TOP1: variants seen among roughly 807,000 people sequenced by gnomAD.
The protein encoded by TOP1 is DNA topoisomerase I.
In TOP1, 10 loss-of-function variants were observed where a neutral mutation model predicts 111.1. The observed-to-expected ratio is 0.09, with a 90% CI of 0.06 to 0.15. The LOEUF (loss-of-function observed/expected upper bound fraction) is 0.15, where lower values mean the gene tolerates loss of function less well. TOP1 is among the 10% of genes least tolerant of loss of function. TOP1 has a pLI of 1.00. For missense variants in TOP1, 474 were observed against 926.7 expected, an observed-to-expected ratio of 0.51 and a Z score of 6.34; for synonymous variants, 271 against 302.9, an observed-to-expected ratio of 0.89 and a Z score of 1.10.
rs150874480 is a variant in TOP1 at position 41,056,799 on chromosome 20, A to G, written c.59-4595A>G. 6.0e-3 allele frequency among the ~76,000 whole-genome samples: 917 copies of G among 152,286 alleles called. 7 individuals carry two copies. Among genetic ancestry groups the G allele is most frequent in the African/African-American group, 0.021 (856 of 41,564 alleles). On this transcript the variant is annotated intron_variant, in intron 2 of 20. Transcript: ENST00000361337. ...GCTCAGCCATTCCTTTAAAATAGGA[A>G]TACTTGGGGTTCAGATCTTTGACCT...
rs1365399672 is a variant in TOP1, at chr20:41,037,644, T to A, written c.58+8189T>A. ...GCATTTGGGAGATTCCATGAAAAAA[T>A]TTGATAAAGTCAGTAGAAATTTCAG... On this transcript the variant is annotated intron_variant, in intron 2 of 20. Coordinates refer to ENST00000361337, the MANE Select transcript of TOP1 (RefSeq NM_003286.4). Among the ~76,000 whole-genome samples the A allele has an allele frequency of 2.6e-5, 4 of 152,328 alleles. No homozygotes were observed. In the East Asian group the frequency reaches 7.7e-4, roughly 29 times the overall value.
At chr20:41,052,297 C>T (rs1189622307) in intron 2 of TOP1, among the ~76,000 whole-genome samples, 25 of 152,178 alleles carry the variant, frequency 1.6e-4, no homozygotes, top group Admixed American at 1.6e-3. Flanking sequence ...TCTGCAGTGC[C>T]TCTATCACAT....
At chr20:41,107,598 C>CT (rs1184789755) in intron 13 of TOP1, among the ~76,000 whole-genome samples, 1 of 151,932 alleles carries the variant, frequency 6.6e-6, no homozygotes, top group African/African-American at 2.4e-5. Context: ...ATTTCATGTT[C>CT]TTTCTAGATT....
Position 41,106,356 on chromosome 20 carries a change from T to C in TOP1, c.1308+5003T>C, listed in dbSNP as rs564402755. The stretch of plus-strand genomic sequence containing the variant: ...TTTGGCTATTCTTGGCCCTCTGCTG[T>C]TTCATATTAACTTTCAGATAAACTT... On this transcript the variant is annotated intron_variant, in intron 13 of 20. Transcript: ENST00000361337. This position sits in a 1 kb window ranked among gnomAD's most constrained non-coding sequence, Gnocchi z 4.3. Among the ~76,000 whole-genome samples, 9 of 152,362 alleles carry C rather than the reference T, an allele frequency of 5.9e-5. No homozygotes were observed. In the East Asian group the frequency reaches 1.3e-3, roughly 23 times the overall value.
chr20:41,090,755 C>T (rs2033910721), intron 8 of TOP1, among the ~76,000 whole-genome samples: 1 of 152,158 alleles, frequency 6.6e-6, no homozygotes, highest in African/African-American at 2.4e-5. Context: ...ATCCGCCCAC[C>T]CCAGCCTCCC....
chr20:41,063,309 A>G (rs1296714465), intron 3 of TOP1, among the ~76,000 whole-genome samples: 1 of 152,198 alleles, frequency 6.6e-6, no homozygotes, highest in African/African-American at 2.4e-5. Context: ...CGTGGTAGAT[A>G]TGTACAACAT....
At chr20:41,072,033 T>C (rs2033674778) in intron 3 of TOP1, among the ~76,000 whole-genome samples, 1 of 152,192 alleles carries the variant, frequency 6.6e-6, no homozygotes, top group African/African-American at 2.4e-5. Flanking sequence ...ATGGTTGATA[T>C]TAAGCCTTTC....
At position 41,034,261 on chromosome 20, in the gene TOP1, A is replaced by G. The variant is rs2033157131; in HGVS notation, c.58+4806A>G. Among the ~76,000 whole-genome samples, 3 of 152,212 alleles carry G rather than the reference A, an allele frequency of 2.0e-5. No homozygotes were observed. Among genetic ancestry groups the G allele is most frequent in the Non-Finnish European group, 1.5e-5 (1 of 68,046 alleles). On this transcript the variant is annotated intron_variant, in intron 2 of 20. Transcript: ENST00000361337. The surrounding 1 kb of genome is among the most constrained non-coding windows in gnomAD (Gnocchi z 4.0). ...GATTGTGTTTAAACTTCGAGTAGTA[A>G]TATTTGGAACTGTCTTTTCTCCCTA...
Position 41,029,291 on chromosome 20 carries a change from G to C in TOP1, c.34-140G>C, listed in dbSNP as rs2122577904. ...GCCGCGAAGTTACAGTTCGAGGCAGGGATGGCTGCCCTCTGTGGCCACCCC... is the reference window on the plus strand; with the variant it reads ...GCCGCGAAGTTACAGTTCGAGGCAGCGATGGCTGCCCTCTGTGGCCACCCC... On this transcript the variant is annotated intron_variant, in intron 1 of 20. Coordinates refer to ENST00000361337, the MANE Select transcript of TOP1 (RefSeq NM_003286.4). The surrounding 1 kb of genome is among the most constrained non-coding windows in gnomAD (Gnocchi z 6.1). 1 of 822,462 alleles carries C rather than the reference G, an allele frequency of 1.2e-6. No individual in the cohort carries two copies. The highest frequency in any genetic ancestry group is 1.8e-6 in the Non-Finnish European group (1 of 563,830). The allele number at this position is 822,462 out of a possible 1,614,324, so 50.9% of individuals were successfully genotyped here. A position where few individuals can be genotyped will look rare whatever the true frequency, so the allele number is the denominator to read the frequency against.
At chr20:41,033,066 TAAAAG>T (rs1167207748) in intron 2 of TOP1, among the ~76,000 whole-genome samples, 6 of 152,272 alleles carry the variant, frequency 3.9e-5, no homozygotes, top group Admixed American at 3.9e-4. Context: ...TGCTTTGACA[TAAAAG>T]AAAGTTGCTT....
Position 41,070,074 on chromosome 20 carries a change from C to T in TOP1, c.156-6097C>T, listed in dbSNP as rs115970452. Among the ~76,000 whole-genome samples the T allele has an allele frequency of 3.6e-3, 550 of 152,142 alleles. 5 individuals carry two copies. Among genetic ancestry groups the T allele is most frequent in the African/African-American group, 0.013 (526 of 41,502 alleles). ...CTTGTTACTTACACTAACTAAAAAT[C>T]GGGGGGAAATGTTGGGACTCGATTC... On this transcript the variant is annotated intron_variant, in intron 3 of 20. Transcript: ENST00000361337.
In TOP1 at chr20:41,118,343, A is replaced by T. The variant is rs770415996; in HGVS notation, c.1950+47A>T. On this transcript the variant is annotated intron_variant, in intron 18 of 20. Coordinates refer to ENST00000361337, the MANE Select transcript of TOP1 (RefSeq NM_003286.4). The surrounding 1 kb of genome is among the most constrained non-coding windows in gnomAD (Gnocchi z 4.6). ...GAACTGTGTCTGCTGTGGGCAGATT[A>T]TCTGCGAATGAGAGGATTCAGGGCT... The T allele has an allele frequency of 8.7e-6, 14 of 1,604,772 alleles. No individual in the cohort carries two copies. Among genetic ancestry groups the T allele is most frequent in the East Asian group, 2.2e-5 (1 of 44,716 alleles).
chr20:41,101,494 A>G lies in TOP1; in HGVS notation c.1308+141A>G, dbSNP rs907237257. 1 of 900,412 alleles carries G rather than the reference A, an allele frequency of 1.1e-6. No homozygotes were observed. The allele number at this position is 900,412 out of a possible 1,614,324, so 55.8% of individuals were successfully genotyped here. A position where few individuals can be genotyped will look rare whatever the true frequency, so the allele number is the denominator to read the frequency against. On this transcript the variant is annotated intron_variant, in intron 13 of 20. Transcript: ENST00000361337. This position sits in a 1 kb window ranked among gnomAD's most constrained non-coding sequence, Gnocchi z 4.1. ...AAAGAAGGCAAGTACTTTCATAGTT[A>G]GCATTATGGTGATCTTCCTACAGTG...
Position 41,029,089 on chromosome 20 carries a change from A to G in TOP1, c.22A>G (p.Asn8Asp), listed in dbSNP as rs2033080090. The change falls in exon 1 of 21, where the codon AAC (asparagine) becomes GAC (aspartate). Residue 8 changes from asparagine (N) to aspartate (D), a missense_variant. This residue lies in a region of TOP1 where 185 missense variants were observed against 226.3 expected (regional missense o/e 0.82). Transcript: ENST00000361337. This position sits in a 1 kb window ranked among gnomAD's most constrained non-coding sequence, Gnocchi z 6.1. ...CGACATGAGTGGGGACCACCTCCAC[A>G]ACGATTCCCAGGTACGGCCCGGCCT... Reference protein sequence around the residue: MSGDHLHNDSQIEADFRL... With the variant: MSGDHLHDDSQIEADFRL... The G allele has an allele frequency of 3.9e-6, 6 of 1,534,522 alleles. No individual in the cohort carries two copies. The highest frequency in any genetic ancestry group is 5.2e-6 in the Non-Finnish European group (6 of 1,144,058).
rs986252159 is a variant in TOP1 at position 41,075,938 on chromosome 20, T to TA, written c.156-225dup. Among the ~76,000 whole-genome samples the TA allele has an allele frequency of 6.6e-5, 10 of 152,154 alleles. No individual in the cohort carries two copies. In the South Asian group the frequency reaches 1.0e-3, roughly 16 times the overall value. ...GCTGGCTGTGTATTCTTAGTCACTT[T>TA]AAAAAAAATGTCCTGGTGTGTCTAG... On this transcript the variant is annotated intron_variant, in intron 3 of 20. Transcript: ENST00000361337.
intron 3 of TOP1, among the ~76,000 whole-genome samples, chr20:41,062,050 G>T (rs2145927320): frequency 6.6e-6 from 1 of 152,300 alleles, no homozygotes; most frequent in African/African-American, 2.4e-5. Flanking sequence ...ACTCAATAGT[G>T]CTGCCTTTTG....
intron 3 of TOP1, chr20:41,072,887 C>T: frequency 1.0e-6 from 1 of 985,418 alleles, no homozygotes; most frequent in Non-Finnish European, 1.2e-6. Context: ...GCTCTTATGC[C>T]TAAACAGTTA....
chr20:41,059,343 A>G (rs947681254), intron 2 of TOP1, among the ~76,000 whole-genome samples: 21 of 151,846 alleles, frequency 1.4e-4, no homozygotes, highest in Non-Finnish European at 2.8e-4. Context: ...TGGTGTTAGA[A>G]CAACTTGACG....
intron 2 of TOP1, among the ~76,000 whole-genome samples, chr20:41,056,743 A>G (rs898374704): frequency 2.6e-5 from 4 of 152,108 alleles, no homozygotes; most frequent in African/African-American, 9.7e-5. Flanking sequence ...TGGCCTCCCA[A>G]AGTGTTGGGA....
Sources: gnomAD v4.1 joint callset for allele counts (sites outside exome capture counted in the v4.1 genomes callset) on GRCh38, gnomAD v4.1.1 for gene constraint, gnomAD v4.1.1 regional missense constraint, Gnocchi (gnomAD v3.1) non-coding constraint, MANE v1.5 for transcripts, NCBI Gene and HGNC (gene_info 2026-07-23, HGNC 2026-07-21) for gene names.